Variants in AQP9 observed in about 807,000 individuals in gnomAD.
AQP9 encodes the protein aquaporin-9.
Under a neutral mutation model 23.8 loss-of-function variants are expected in AQP9, and 19 were observed. The observed-to-expected ratio is 0.80, with a 90% confidence interval of 0.56 to 1.17. The LOEUF is 1.17. AQP9 is among the 50% of genes most tolerant of loss of function. The pLI, the probability that AQP9 is intolerant of heterozygous loss-of-function variation, is 0.00. For missense variants in AQP9, 413 were observed against 362.0 expected, an observed-to-expected ratio of 1.14 and a Z score of -1.14; for synonymous variants, 153 against 131.5, an observed-to-expected ratio of 1.16 and a Z score of -1.12.
chr15:58,161,332 A>T (rs769581680), intron 1 of AQP9, among the ~76,000 whole-genome samples: 1 of 152,146 alleles, frequency 6.6e-6, no homozygotes, highest in Non-Finnish European at 1.5e-5. Flanking sequence ...CTGCCTTTCA[A>T]ATGTCTTTCT....
chr15:58,156,207 T>C (rs1416395036), intron 1 of AQP9: 2 of 152,164 alleles, frequency 1.3e-5, no homozygotes, highest in Non-Finnish European at 2.9e-5. Context: ...TCCTTGTACG[T>C]TTTTCAGCAC....
At chr15:58,147,758 A>G (rs1475263657) in intron 1 of AQP9, among the ~76,000 whole-genome samples, 2 of 152,194 alleles carry the variant, frequency 1.3e-5, no homozygotes, top group African/African-American at 2.4e-5. Flanking sequence ...ATGGGGGTGC[A>G]TCTATGCAAG....
intron 1 of AQP9, among the ~76,000 whole-genome samples, chr15:58,148,144 G>A (rs1262231302): frequency 6.6e-6 from 1 of 152,110 alleles, no homozygotes; most frequent in Non-Finnish European, 1.5e-5. Context: ...TCTTTTCAAA[G>A]CATTTTTGTA....
At chr15:58,159,609 T>C (rs544089573) in intron 1 of AQP9, among the ~76,000 whole-genome samples, 3 of 152,304 alleles carry the variant, frequency 2.0e-5, no homozygotes, top group African/African-American at 7.2e-5. Context: ...CTAGGTCTTA[T>C]TTCTTCTATC....
In AQP9 at chr15:58,174,955, C is replaced by T. The variant is rs376296748; in HGVS notation, c.414C>T (p.Ile138=). The stretch of plus-strand genomic sequence containing the variant: ...CCTTTGCTGGTGGAAAACTGCTGAT[C>T]GTGGGAGAAAATGCAACAGCACACA... ...LMSFAGGKLL[I]VGENATAHIF... Residue 138 remains isoleucine (I), a synonymous_variant, in exon 4 of 6, where the codon ATC becomes ATT. Transcript: ENST00000219919. 1.9e-5 allele frequency: 31 copies of T among 1,614,032 alleles called. No homozygotes were observed. Among genetic ancestry groups the T allele is most frequent in the African/African-American group, 6.7e-5 (5 of 74,918 alleles).
chr15:58,143,284 AG>A (rs1400574128), intron 1 of AQP9, among the ~76,000 whole-genome samples: 4 of 152,210 alleles, frequency 2.6e-5, no homozygotes, highest in African/African-American at 9.7e-5. Context: ...CTTGCCTTGA[AG>A]CAAGAGTTTA....
At chr15:58,168,481 TC>T (rs150584738) in intron 2 of AQP9, among the ~76,000 whole-genome samples, 3,709 of 152,226 alleles carry the variant, frequency 0.024, 158 homozygotes, top group African/African-American at 0.084. Context: ...TTGCTTAGAC[TC>T]CTTGGGAGCT....
chr15:58,141,206 G>T (rs1273074795), intron 1 of AQP9, among the ~76,000 whole-genome samples: 1 of 152,094 alleles, frequency 6.6e-6, no homozygotes. Context: ...TTCTCACAGG[G>T]ACTATGCTCA....
chr15:58,153,181 A>G (rs1393883343), intron 1 of AQP9: 2 of 152,144 alleles, frequency 1.3e-5, no homozygotes, highest in Non-Finnish European at 2.9e-5. Flanking sequence ...ATTTTCCAAC[A>G]CATGAGAGCG....
intron 4 of AQP9, among the ~76,000 whole-genome samples, chr15:58,177,733 A>C (rs1207471573): frequency 2.0e-5 from 3 of 152,220 alleles, no homozygotes; most frequent in Non-Finnish European, 4.4e-5. Context: ...AAAGCATATG[A>C]AGTACCTGGC....
At chr15:58,168,460 CT>C (rs1385469408) in intron 2 of AQP9, among the ~76,000 whole-genome samples, 2 of 152,084 alleles carry the variant, frequency 1.3e-5, no homozygotes, top group African/African-American at 4.8e-5. Context: ...CTTTGTAGCA[CT>C]GAAGAACGAT....
At chr15:58,180,390 T>A (rs375849098) in intron 5 of AQP9, among the ~76,000 whole-genome samples, 26 of 152,302 alleles carry the variant, frequency 1.7e-4, no homozygotes, top group East Asian at 1.4e-3. Context: ...TTAAAATAAC[T>A]GGTACCATTG....
Position 58,174,976 on chromosome 15 carries a change from A to C in AQP9, c.435A>C (p.Ala145=). ...KLLIVGENAT[A]HIFATYPAPY... is the part of the protein sequence containing the mutation. ...TGATCGTGGGAGAAAATGCAACAGC[A>C]CACATTTTTGCAACATACCCAGCTC... The change falls in exon 4 of 6, where the codon GCA becomes GCC. Residue 145 remains alanine, a synonymous_variant. Transcript: ENST00000219919. The C allele has an allele frequency of 6.2e-7, 1 of 1,614,218 alleles. No homozygotes were observed. Among genetic ancestry groups the C allele is most frequent in the Non-Finnish European group, 8.5e-7 (1 of 1,180,010 alleles).
At chr15:58,149,175 G>C (rs1898103735) in intron 1 of AQP9, among the ~76,000 whole-genome samples, 1 of 152,208 alleles carries the variant, frequency 6.6e-6, no homozygotes, top group Non-Finnish European at 1.5e-5. Flanking sequence ...GGCAGCAGCA[G>C]TTGTCACAGG....
intron 1 of AQP9, chr15:58,147,029 C>G (rs554892682): frequency 6.6e-6 from 1 of 152,280 alleles, no homozygotes; most frequent in South Asian, 2.1e-4. Flanking sequence ...ACCAGGCTCA[C>G]CTGGGAAATC....
intron 1 of AQP9, among the ~76,000 whole-genome samples, chr15:58,166,371 A>C (rs1898502774): frequency 6.6e-6 from 1 of 152,200 alleles, no homozygotes; most frequent in Non-Finnish European, 1.5e-5. Flanking sequence ...TCAAAATAAA[A>C]AATTTAATTT....
intron 1 of AQP9, among the ~76,000 whole-genome samples, chr15:58,163,493 G>A (rs1898428741): frequency 6.6e-6 from 1 of 152,162 alleles, no homozygotes; most frequent in African/African-American, 2.4e-5. Flanking sequence ...TCTAGATAAT[G>A]AAATCAAGAT....
At chr15:58,143,567 C>T (rs1253733058) in intron 1 of AQP9, among the ~76,000 whole-genome samples, 1 of 152,132 alleles carries the variant, frequency 6.6e-6, no homozygotes, top group African/African-American at 2.4e-5. Context: ...AGTTAACATT[C>T]TAATATATGC....
rs553474302 is a variant in AQP9, at chr15:58,164,674, C to A, written c.112-1999C>A. ...CAGCGTAGGGTACAAAGCTCTCCACCTTTTCTCTGCTTGCTAAGACAAGTG... is the reference window on the plus strand; with the variant it reads ...CAGCGTAGGGTACAAAGCTCTCCACATTTTCTCTGCTTGCTAAGACAAGTG... On this transcript the variant is annotated intron_variant, in intron 1 of 5. Transcript: ENST00000219919. Among the ~76,000 whole-genome samples the A allele has an allele frequency of 5.9e-5, 9 of 152,142 alleles. No homozygotes were observed. The East Asian group carries it at 1.2e-3, about 20-fold the overall frequency.
Sources: allele counts gnomAD v4.1 joint callset (sites outside exome capture counted in the v4.1 genomes callset), GRCh38; gene constraint gnomAD v4.1.1; transcripts MANE v1.5; gene names NCBI Gene and HGNC (gene_info 2026-07-23, HGNC 2026-07-21).